XPNPEP3: variants seen among roughly 807,000 people sequenced by gnomAD.
The protein encoded by XPNPEP3 is X-prolyl aminopeptidase 3, also known as xaa-Pro aminopeptidase 3.
A neutral mutation model predicts 60.0 loss-of-function variants in XPNPEP3; 41 were observed. The observed-to-expected ratio is 0.68, with a 90% confidence interval of 0.53 to 0.89. XPNPEP3 has a LOEUF of 0.89. XPNPEP3 is among the 40% of genes least tolerant of loss of function. XPNPEP3 has a pLI of 0.00. For missense variants in XPNPEP3, 598 were observed against 638.9 expected, an observed-to-expected ratio of 0.94 and a Z score of 0.69; for synonymous variants, 212 against 223.2, an observed-to-expected ratio of 0.95 and a Z score of 0.45.
intron 2 of XPNPEP3, among the ~76,000 whole-genome samples, chr22:40,873,593 G>A (rs879303850): frequency 6.6e-6 from 1 of 151,790 alleles, no homozygotes; most frequent in African/African-American, 2.4e-5. Flanking sequence ...CCTGGGCAAC[G>A]TAGTGAGACC....
At chr22:40,893,099 T>C (rs2058094469) in intron 4 of XPNPEP3, among the ~76,000 whole-genome samples, 1 of 143,208 alleles carries the variant, frequency 7.0e-6, no homozygotes. Context: ...ATTTAGTTTA[T>C]ATATAAATAT....
At chr22:40,924,518 ATGTTTGTT>A (rs541190297) in intron 9 of XPNPEP3, 36 bp downstream of exon 9, 5 of 1,612,482 alleles carry the variant, frequency 3.1e-6, no homozygotes, top group Non-Finnish European at 4.2e-6. Flanking sequence ...TATGAGGTAA[ATGTTTGTT>A]TGTTTGTTTG....
At chr22:40,899,356 G>C (rs1177287852) in intron 4 of XPNPEP3, among the ~76,000 whole-genome samples, 1 of 152,154 alleles carries the variant, frequency 6.6e-6, no homozygotes, top group East Asian at 1.9e-4. Flanking sequence ...ATATTTAGCA[G>C]ACCTACCAGC....
chr22:40,918,924 C>T (rs2146278185), intron 7 of XPNPEP3, among the ~76,000 whole-genome samples: 1 of 150,696 alleles, frequency 6.6e-6, no homozygotes, highest in South Asian at 2.1e-4. Context: ...CTCACTGCAA[C>T]CTCCGGCTCC....
intron 1 of XPNPEP3, chr22:40,861,220 G>A: frequency 6.2e-7 from 1 of 1,614,032 alleles, no homozygotes; most frequent in Non-Finnish European, 8.5e-7. Context: ...AAAGTATATT[G>A]AGATACATGT....
intron 4 of XPNPEP3, among the ~76,000 whole-genome samples, chr22:40,896,554 A>C (rs1292773844): frequency 6.6e-6 from 1 of 151,986 alleles, no homozygotes; most frequent in Non-Finnish European, 1.5e-5. Flanking sequence ...TAATCCCAGC[A>C]ACTTGGGAGG....
At chr22:40,894,357 C>T (rs753891977) in intron 4 of XPNPEP3, among the ~76,000 whole-genome samples, 6 of 152,146 alleles carry the variant, frequency 3.9e-5, no homozygotes, top group Non-Finnish European at 5.9e-5. Flanking sequence ...TTAGCAACAA[C>T]CTTGCCTTTC....
chr22:40,879,979 A>T (rs189310891), intron 2 of XPNPEP3, among the ~76,000 whole-genome samples: 1 of 149,154 alleles, frequency 6.7e-6, no homozygotes. Context: ...ATGGGCCAGG[A>T]TCGTGCCACT....
intron 4 of XPNPEP3, among the ~76,000 whole-genome samples, chr22:40,903,165 G>A (rs2058141372): frequency 6.6e-6 from 1 of 152,182 alleles, no homozygotes; most frequent in Non-Finnish European, 1.5e-5. Flanking sequence ...GCCCAAATCA[G>A]TGTCATACAG....
At chr22:40,870,600 G>C (rs905922108) in intron 2 of XPNPEP3, among the ~76,000 whole-genome samples, 19 of 152,076 alleles carry the variant, frequency 1.2e-4, no homozygotes, top group Non-Finnish European at 5.9e-5. Flanking sequence ...TGTACCATTA[G>C]GTACAGATTT....
intron 6 of XPNPEP3, among the ~76,000 whole-genome samples, 177 bp downstream of exon 6, chr22:40,909,412 T>G (rs1442996058): frequency 6.6e-6 from 1 of 152,174 alleles, no homozygotes; most frequent in Non-Finnish European, 1.5e-5. Flanking sequence ...AAATTAACTC[T>G]GTTAGGAGGA....
At chr22:40,858,672 C>T (rs531100727) in intron 1 of XPNPEP3, among the ~76,000 whole-genome samples, 2 of 150,376 alleles carry the variant, frequency 1.3e-5, no homozygotes, top group Non-Finnish European at 1.5e-5. Flanking sequence ...GCTGGGATTA[C>T]AGGCGCCCGC....
chr22:40,905,374 C>T (rs1412174569), intron 4 of XPNPEP3, among the ~76,000 whole-genome samples: 3 of 152,242 alleles, frequency 2.0e-5, no homozygotes, highest in South Asian at 2.1e-4. Context: ...CCACCACACC[C>T]GGCCCCTTTA....
At chr22:40,886,001 AAGAG>A (rs1248913806) in intron 3 of XPNPEP3, among the ~76,000 whole-genome samples, 1 of 152,222 alleles carries the variant, frequency 6.6e-6, no homozygotes, top group African/African-American at 2.4e-5. Context: ...GAGAGAGAGA[AAGAG>A]AGAAAATCAA....
intron 5 of XPNPEP3, among the ~76,000 whole-genome samples, chr22:40,908,144 G>A (rs2058163263): frequency 6.6e-6 from 1 of 151,886 alleles, no homozygotes; most frequent in African/African-American, 2.4e-5. Context: ...AACCTGGGAG[G>A]CACAGTTTGC....
At chr22:40,862,776 A>G in intron 1 of XPNPEP3, 1 of 984,440 alleles carries the variant, frequency 1.0e-6, no homozygotes, top group Non-Finnish European at 1.2e-6. Flanking sequence ...TTATGTATTC[A>G]CTGTATAATT....
chr22:40,907,721 G>A lies in XPNPEP3; in HGVS notation c.855+72G>A, dbSNP rs1397570506. On this transcript the variant is annotated intron_variant, in intron 5 of 9. Coordinates refer to ENST00000357137, the MANE Select transcript of XPNPEP3 (RefSeq NM_022098.4). ...AATAATTTGATTTGCAGAAATGGCA[G>A]TGCAGTCTGCTTTTGTGATAGTGAT... The A allele has an allele frequency of 4.1e-6, 6 of 1,464,304 alleles. No homozygotes were observed. The Admixed American group carries it at 1.0e-4, about 25-fold the overall frequency. 90.7% of individuals were successfully genotyped at this position (1,464,304 alleles called of 1,614,324 possible).
intron 1 of XPNPEP3, chr22:40,861,160 G>GA: frequency 1.9e-6 from 3 of 1,614,022 alleles, no homozygotes; most frequent in South Asian, 2.2e-5. Flanking sequence ...AAAATAGGGG[G>GA]ATCTCTGTTG....
At chr22:40,910,522 T>G (rs2058173298) in intron 6 of XPNPEP3, among the ~76,000 whole-genome samples, 1 of 150,630 alleles carries the variant, frequency 6.6e-6, no homozygotes, top group African/African-American at 2.4e-5. Flanking sequence ...CTGGGCAACA[T>G]AGCAAAACCC....
Sources: allele counts gnomAD v4.1 joint callset (sites outside exome capture counted in the v4.1 genomes callset), GRCh38; gene constraint gnomAD v4.1.1; transcripts MANE v1.5; gene names NCBI Gene and HGNC (gene_info 2026-07-23, HGNC 2026-07-21).